Variants in SLC25A34 observed in about 807,000 individuals in gnomAD.
SLC25A34 encodes the protein solute carrier family 25, member 34.
In SLC25A34, 26 loss-of-function variants were observed where a neutral mutation model predicts 28.1. The observed-to-expected ratio is 0.93, with a 90% CI of 0.68 to 1.28. The LOEUF (loss-of-function observed/expected upper bound fraction) is 1.28. SLC25A34 is among the 50% of genes most tolerant of loss of function. SLC25A34 has a pLI of 0.00. For synonymous variants in SLC25A34, 182 were observed against 182.2 expected (o/e 1.00, Z 0.01); for missense variants, 384 against 409.8 (o/e 0.94, Z 0.54).
chr1:15,738,179 C>G lies in SLC25A34; in HGVS notation c.531C>G (p.Val177=). 1 of 1,607,250 alleles carries G rather than the reference C, an allele frequency of 6.2e-7. No individual in the cohort carries two copies. The highest frequency in any genetic ancestry group is 1.1e-5 in the South Asian group (1 of 90,054). ...WQGVGGAVPR[V]MVGSAAQLAT... is the part of the protein sequence containing the mutation. Reference sequence around the variant, plus strand: ...GCGTTGGTGGGGCTGTGCCCCGAGTCATGGTGGGCTCAGCTGCCCAGCTGG... The same window carrying G: ...GCGTTGGTGGGGCTGTGCCCCGAGTGATGGTGGGCTCAGCTGCCCAGCTGG... The change falls in exon 3 of 5, where the codon GTC becomes GTG. Residue 177 remains valine (V), a synonymous_variant. Transcript: ENST00000294454.
chr1:15,736,374 T>C lies in SLC25A34; in HGVS notation c.-112T>C. The C allele has an allele frequency of 8.1e-7, 1 of 1,236,678 alleles. No homozygotes were observed. Among genetic ancestry groups the C allele is most frequent in the African/African-American group, 1.6e-5 (1 of 63,874 alleles). The allele number at this position is 1,236,678 out of a possible 1,614,324, so 76.6% of individuals were successfully genotyped here. On this transcript the variant is annotated 5_prime_UTR_variant, in exon 1 of 5. Transcript: ENST00000294454. ...CCCTCTAGACATGGCCTCGGTCCCC[T>C]GCAAACCCCAGCCCCGTAGCCCTGC...
In SLC25A34 at chr1:15,736,559, AC is replaced by A; in HGVS notation, c.79del (p.Leu27TrpfsTer4). 1.4e-6 allele frequency: 2 copies of A among 1,414,834 alleles called. No individual in the cohort carries two copies. The highest frequency in any genetic ancestry group is 1.9e-6 in the Non-Finnish European group (2 of 1,075,734). 87.6% of individuals were successfully genotyped at this position (1,414,834 alleles called of 1,614,324 possible). ...SACCLACVFTNPLEVVKTRLQ... is the reference protein window; with the variant it reads ...SACCLACVFTXPLEVVKTRLQ... The stretch of plus-strand genomic sequence containing the variant: ...TGCTGCCTGGCCTGTGTCTTCACCA[AC>A]CCCCTGGAGGTGGTGAAGACGCGGC... On this transcript the variant is annotated frameshift_variant, in exon 1 of 5. Transcript: ENST00000294454. LOFTEE classifies it high-confidence loss of function.
chr1:15,737,009 C>A, intron 1 of SLC25A34, 146 bp downstream of exon 1: 1 of 1,165,876 alleles, frequency 8.6e-7, no homozygotes, highest in Non-Finnish European at 1.2e-6. Context: ...CATCCTAGCC[C>A]AAGCCTGGAA....
Position 15,736,561 on chromosome 1 carries a change from C to G in SLC25A34, c.76C>G (p.Pro26Ala). 6.8e-7 allele frequency: 1 copy of G among 1,472,680 alleles called. No homozygotes were observed. The highest frequency in any genetic ancestry group is 1.4e-5 in the South Asian group (1 of 71,162). 91.2% of individuals were successfully genotyped at this position (1,472,680 alleles called of 1,614,324 possible). A position where few individuals can be genotyped will look rare whatever the true frequency, so the allele number is the denominator to read the frequency against. The change falls in exon 1 of 5, where the codon CCC becomes GCC. Residue 26 changes from proline (P) to alanine (A), a missense_variant. Pro to Ala is a conservative substitution (Grantham distance 27). Transcript: ENST00000294454. ...CTGCCTGGCCTGTGTCTTCACCAAC[C>G]CCCTGGAGGTGGTGAAGACGCGGCT... ...ACCLACVFTN[P>A]LEVVKTRLQL... is the part of the protein sequence containing the mutation.
rs5772650 is a variant in SLC25A34, at chr1:15,737,569, CAA to C, written c.379-348_379-347del. Among the ~76,000 whole-genome samples the C allele has an allele frequency of 8.8e-3, 1,114 of 126,684 alleles. 6 individuals are homozygous for C. The highest frequency in any genetic ancestry group is 0.013 in the Middle Eastern group (3 of 238). 83.1% of individuals were successfully genotyped at this position (126,684 alleles called of 152,430 possible). On this transcript the variant is annotated intron_variant, in intron 1 of 4. Coordinates refer to ENST00000294454, the MANE Select transcript of SLC25A34 (RefSeq NM_207348.3). ...TGGGCAACACAGCAAGACTCTGCCT[CAA>C]AAAAAAAAAAAGGAAAGAAAGAAAA... is the stretch of plus-strand genomic sequence containing the variant.
In SLC25A34 at chr1:15,739,211, T is replaced by A. The variant is rs41271755; in HGVS notation, c.733-13T>A. On this transcript the variant is annotated splice_polypyrimidine_tract_variant and intron_variant, in intron 4 of 4. Coordinates refer to ENST00000294454, the MANE Select transcript of SLC25A34 (RefSeq NM_207348.3). Reference sequence around the variant, plus strand: ...GGCCCCTGTAGTAACACTCACCCCATGTCTTTCCCCAGGGCCAGCTCTATG... The same window carrying A: ...GGCCCCTGTAGTAACACTCACCCCAAGTCTTTCCCCAGGGCCAGCTCTATG... The A allele has an allele frequency of 4.0e-4, 652 of 1,611,246 alleles. No individual in the cohort carries two copies. The highest frequency in any genetic ancestry group is 1.3e-3 in the Admixed American group (76 of 59,654).
At position 15,738,907 on chromosome 1, in the gene SLC25A34, G is replaced by A; in HGVS notation, c.732+179G>A. ...TTGTTTGCTGAGCCCCCGGGTCCCA[G>A]GCACAGGCTAAGCACTTTCACATCT... On this transcript the variant is annotated intron_variant, in intron 4 of 4. Transcript: ENST00000294454. 13 of 785,626 alleles carry A rather than the reference G, an allele frequency of 1.7e-5. No homozygotes were observed. In the South Asian group the frequency reaches 3.2e-4, roughly 19 times the overall value. The allele number at this position is 785,626 out of a possible 1,614,324, so 48.7% of individuals were successfully genotyped here. A position where few individuals can be genotyped will look rare whatever the true frequency, so the allele number is the denominator to read the frequency against.
In SLC25A34 at chr1:15,740,647, G is replaced by A. The variant is rs1399051425; in HGVS notation, c.*1241G>A. ...CAGTCACATCCTGAGCTACTAGGGG[G>A]TAGGACTTCAACATGCACTTCTGCA... On this transcript the variant is annotated 3_prime_UTR_variant, in exon 5 of 5. Transcript: ENST00000294454. 1 of 152,236 alleles carries A rather than the reference G, an allele frequency of 6.6e-6. No individual in the cohort carries two copies. The highest frequency in any genetic ancestry group is 1.5e-5 in the Non-Finnish European group (1 of 68,074). 9.4% of individuals were successfully genotyped at this position (152,236 alleles called of 1,614,324 possible).
intron 4 of SLC25A34, 73 bp from the exon 5 acceptor site, chr1:15,739,151 C>T (rs897668002): frequency 1.5e-5 from 23 of 1,544,648 alleles, no homozygotes; most frequent in South Asian, 8.3e-5. Context: ...GAAATTGACC[C>T]GTGTGCCAAG....
chr1:15,739,067 A>G, intron 4 of SLC25A34, 157 bp from the exon 5 acceptor site: 1 of 959,100 alleles, frequency 1.0e-6, no homozygotes, highest in Non-Finnish European at 1.5e-6. Context: ...GCCTGACCCC[A>G]CAGCCTTCCC....
In SLC25A34 at chr1:15,738,012, C is replaced by CAG; in HGVS notation, c.444+21_444+22dup. The CAG allele has an allele frequency of 6.2e-7, 1 of 1,614,010 alleles. No homozygotes were observed. ...ATCACCAGGTGAGGCCTGCCACTCT[C>CAG]AGAGCTCCCTGGGGGCATGGATTGG... On this transcript the variant is annotated intron_variant, in intron 2 of 4. Transcript: ENST00000294454.
intron 1 of SLC25A34, chr1:15,737,659 CACTT>C (rs2068237859): frequency 1.2e-5 from 6 of 508,046 alleles, no homozygotes; most frequent in African/African-American, 2.0e-5. Context: ...ATCATTGTCT[CACTT>C]AATCCTCAGA....
At chr1:15,739,129 G>C in intron 4 of SLC25A34, 95 bp from the exon 5 acceptor site, 3 of 1,452,722 alleles carry the variant, frequency 2.1e-6, no homozygotes, top group Non-Finnish European at 2.8e-6. Context: ...TGTCCATAGG[G>C]TGTGTGGGGG....
chr1:15,738,739 G>T lies in SLC25A34; in HGVS notation c.732+11G>T. 3 of 1,559,576 alleles carry T rather than the reference G, an allele frequency of 1.9e-6. No homozygotes were observed. Among genetic ancestry groups the T allele is most frequent in the African/African-American group, 1.4e-5 (1 of 73,666 alleles). ...GACACAGCTGGCAGGGTGAGCAGGGGCGGGTCTAGGGGAGACCGTGGGGAG... is the reference window on the plus strand; with the variant it reads ...GACACAGCTGGCAGGGTGAGCAGGGTCGGGTCTAGGGGAGACCGTGGGGAG... On this transcript the variant is annotated intron_variant, in intron 4 of 4. Coordinates refer to ENST00000294454, the MANE Select transcript of SLC25A34 (RefSeq NM_207348.3).
chr1:15,738,390 G>A (rs2068246946), intron 3 of SLC25A34, 145 bp downstream of exon 3: 1 of 1,313,210 alleles, frequency 7.6e-7, no homozygotes, highest in Non-Finnish European at 1.0e-6. Flanking sequence ...TCCGGCCCTT[G>A]GTACCAGCAG....
rs544785684 is a variant in SLC25A34, at chr1:15,738,322, G to A, written c.597+77G>A. On this transcript the variant is annotated intron_variant, in intron 3 of 4. Coordinates refer to ENST00000294454, the MANE Select transcript of SLC25A34 (RefSeq NM_207348.3). ...GGGGGCCACCTGCCTCCTTCCACAC[G>A]GGGAAGACCAGGGGGTGGCAACAGA... The A allele has an allele frequency of 1.6e-4, 239 of 1,500,818 alleles. No homozygotes were observed. The South Asian group carries it at 2.6e-3, about 16-fold the overall frequency. 93.0% of individuals were successfully genotyped at this position (1,500,818 alleles called of 1,614,324 possible).
At chr1:15,736,976 C>T (rs1040473446) in intron 1 of SLC25A34, 113 bp downstream of exon 1, 26 of 1,173,544 alleles carry the variant, frequency 2.2e-5, no homozygotes, top group East Asian at 1.2e-4. Flanking sequence ...GTGGGGCAGC[C>T]GGGGTGGGGC....
Position 15,739,256 on chromosome 1 carries a change from G to A in SLC25A34, c.765G>A (p.Met255Ile). ...GQLYGGLTDC[M>I]VKIWRQEGPL... ...TCTATGGGGGCCTCACCGACTGCATGGTGAAGATCTGGCGGCAGGAGGGCC... is the reference window on the plus strand; with the variant it reads ...TCTATGGGGGCCTCACCGACTGCATAGTGAAGATCTGGCGGCAGGAGGGCC... The change falls in exon 5 of 5, where the codon ATG (methionine) becomes ATA (isoleucine). Residue 255 changes from methionine to isoleucine, a missense_variant. By Grantham distance (10) the Met-to-Ile change is conservative (BLOSUM62 1). Transcript: ENST00000294454. The A allele has an allele frequency of 2.5e-6, 4 of 1,612,556 alleles. No individual in the cohort carries two copies. The highest frequency in any genetic ancestry group is 3.4e-6 in the Non-Finnish European group (4 of 1,179,580).
At position 15,736,348 on chromosome 1, in the gene SLC25A34, A is replaced by AC; in HGVS notation, c.-135dup. 3 of 917,782 alleles carry AC rather than the reference A, an allele frequency of 3.3e-6. 1 individual carries two copies. Among genetic ancestry groups the AC allele is most frequent in the Non-Finnish European group, 4.4e-6 (3 of 685,300 alleles). 56.9% of individuals were successfully genotyped at this position (917,782 alleles called of 1,614,324 possible). On this transcript the variant is annotated 5_prime_UTR_variant, in exon 1 of 5. Transcript: ENST00000294454. ...ACAGGCCTGTCAGACCAGGACCCTT[A>AC]CCCTCTAGACATGGCCTCGGTCCCC...
Sources: allele counts gnomAD v4.1 joint callset (sites outside exome capture counted in the v4.1 genomes callset), GRCh38; gene constraint gnomAD v4.1.1; transcripts MANE v1.5; gene names NCBI Gene and HGNC (gene_info 2026-07-23, HGNC 2026-07-21).